The following GLB1 variants were observed in gnomAD, a reference collection of about 807,000 sequenced individuals.
GLB1 encodes the protein galactosidase beta 1, also known as beta-galactosidase.
A neutral mutation model predicts 74.0 loss-of-function variants in GLB1; 56 were observed. That is an observed-to-expected ratio of 0.76 (90% confidence interval 0.61 to 0.94). GLB1 has a LOEUF of 0.94. Ranked by LOEUF, GLB1 falls within the 40% of genes least tolerant of loss-of-function variation. The pLI is 0.00. For missense variants in GLB1, 787 were observed against 845.5 expected (o/e 0.93, Z 0.86); for synonymous variants, 323 against 323.6 (o/e 1.00, Z 0.02).
chr3:32,964,260 AG>A, the GLB1 span, among the ~76,000 whole-genome samples: 1 of 152,228 alleles, frequency 6.6e-6, no homozygotes, highest in Non-Finnish European at 1.5e-5. Flanking sequence ...TGATGTCACA[AG>A]AAAAATGTCA....
intron 6 of GLB1, among the ~76,000 whole-genome samples, chr3:33,057,434 C>G (rs1643079232): frequency 6.6e-6 from 1 of 152,222 alleles, no homozygotes; most frequent in Admixed American, 6.5e-5. Context: ...AATGAAGTCT[C>G]TCTTAATATT....
chr3:33,052,716 G>A (rs72856115), intron 7 of GLB1: 12,374 of 153,238 alleles, frequency 0.081, 1,166 homozygotes, highest in East Asian at 0.48. Context: ...AACGAGGAAG[G>A]CTTGTCCCAG....
At chr3:32,988,065 T>A in the GLB1 span, among the ~76,000 whole-genome samples, 77,973 of 151,168 alleles carry the variant, frequency 0.52, 21,430 homozygotes, top group East Asian at 0.81. Context: ...TGCATGCCTG[T>A]GTCCCAGCTA....
intron 5 of GLB1, among the ~76,000 whole-genome samples, chr3:33,059,585 C>T (rs1036811139): frequency 6.6e-6 from 1 of 152,102 alleles, no homozygotes; most frequent in Non-Finnish European, 1.5e-5. Context: ...TCTGAGTACA[C>T]ACATAGGTGG....
the GLB1 span, among the ~76,000 whole-genome samples, chr3:32,980,582 A>G: frequency 6.6e-6 from 1 of 152,188 alleles, no homozygotes; most frequent in Non-Finnish European, 1.5e-5. Flanking sequence ...GGAGTTTGAG[A>G]CCAGCCTGGC....
chr3:33,088,905 C>T (rs1295249850), intron 1 of GLB1, among the ~76,000 whole-genome samples: 4 of 152,130 alleles, frequency 2.6e-5, no homozygotes, highest in Non-Finnish European at 4.4e-5. Context: ...CTGTGGTAAT[C>T]AGAATAGCAT....
At chr3:33,005,435 A>G (rs764638636) in intron 15 of GLB1, among the ~76,000 whole-genome samples, 2 of 152,224 alleles carry the variant, frequency 1.3e-5, no homozygotes, top group African/African-American at 2.4e-5. Context: ...CATGGTTTAC[A>G]TATCTCTTAC....
chr3:33,036,731 T>A (rs1292143513), intron 10 of GLB1, among the ~76,000 whole-genome samples: 8 of 65,322 alleles, frequency 1.2e-4, no homozygotes, highest in Admixed American at 1.7e-4. Flanking sequence ...GTTACAACGT[T>A]GAAAACATTG....
At chr3:32,986,106 C>T in the GLB1 span, among the ~76,000 whole-genome samples, 6 of 152,342 alleles carry the variant, frequency 3.9e-5, no homozygotes, top group African/African-American at 1.4e-4. Flanking sequence ...TGTGATTTTC[C>T]ATGTTCCCTT....
At chr3:33,008,924 G>A (rs975675888) in intron 15 of GLB1, among the ~76,000 whole-genome samples, 3 of 151,502 alleles carry the variant, frequency 2.0e-5, no homozygotes, top group South Asian at 2.1e-4. Flanking sequence ...GTTTGAGACT[G>A]GCCTGACCAA....
chr3:33,062,687 C>T (rs1295377254), intron 5 of GLB1, among the ~76,000 whole-genome samples: 3 of 152,164 alleles, frequency 2.0e-5, no homozygotes, highest in African/African-American at 7.2e-5. Flanking sequence ...ATTCAGGAGG[C>T]TGAGGCAGGA....
At chr3:33,029,177 T>C (rs568923222) in intron 10 of GLB1, among the ~76,000 whole-genome samples, 16 of 152,336 alleles carry the variant, frequency 1.1e-4, no homozygotes, top group Non-Finnish European at 2.1e-4. Flanking sequence ...AGAAAAGAAA[T>C]GAACAAATAT....
chr3:33,075,602 T>G (rs1439335216), intron 1 of GLB1, among the ~76,000 whole-genome samples: 2 of 151,854 alleles, frequency 1.3e-5, no homozygotes, highest in Non-Finnish European at 1.5e-5. Context: ...GTTAACACAG[T>G]GAGGTCGAGG....
intron 11 of GLB1, among the ~76,000 whole-genome samples, chr3:33,022,563 G>GCTTTTTTTTTTTTTT: frequency 6.5e-5 from 1 of 15,318 alleles, no homozygotes; most frequent in Non-Finnish European, 3.0e-4. Context: ...TACTGGTTAG[G>GCTTTTTTTTTTTTTT]ATTTTTTTTT....
chr3:33,068,518 A>G (rs1699776676), intron 3 of GLB1, among the ~76,000 whole-genome samples: 1 of 152,156 alleles, frequency 6.6e-6, no homozygotes, highest in South Asian at 2.1e-4. Flanking sequence ...AGCCCTTTTC[A>G]TAAAGATTTT....
chr3:33,049,425 T>C (rs1480048297), intron 9 of GLB1, among the ~76,000 whole-genome samples: 2 of 152,196 alleles, frequency 1.3e-5, no homozygotes, highest in African/African-American at 2.4e-5. Context: ...ATTTATTTTA[T>C]TTTATTTTTG....
intron 1 of GLB1, chr3:33,091,878 G>A (rs1206083686): frequency 1.0e-6 from 1 of 985,256 alleles, no homozygotes; most frequent in African/African-American, 1.7e-5. Flanking sequence ...TCCATCTCAG[G>A]ATCAAAGGAT....
chr3:32,998,557 C>G (rs546809222), intron 15 of GLB1, among the ~76,000 whole-genome samples: 36 of 151,032 alleles, frequency 2.4e-4, no homozygotes, highest in Non-Finnish European at 4.4e-4. Context: ...AGGCTAGGAT[C>G]AACAGCTGGC....
At chr3:33,092,870 G>C in intron 1 of GLB1, 1 of 1,612,038 alleles carries the variant, frequency 6.2e-7, no homozygotes, top group African/African-American at 1.3e-5. Context: ...CTGTGATCTC[G>C]GCCCTGCTAC....
Sources: gnomAD v4.1 joint callset for allele counts (sites outside exome capture counted in the v4.1 genomes callset) on GRCh38, gnomAD v4.1.1 for gene constraint, MANE v1.5 for transcripts, NCBI Gene and HGNC (gene_info 2026-07-23, HGNC 2026-07-21) for gene names.